Variants in KCNQ5 observed in about 807,000 individuals in gnomAD.
KCNQ5 encodes the protein potassium voltage-gated channel subfamily KQT member 5.
KCNQ5 carries 30 observed loss-of-function variants against 98.2 expected under a neutral mutation model. The ratio of observed to expected loss-of-function variants is 0.31; its 90% confidence interval spans 0.23 to 0.41. The LOEUF is 0.41. Ranked by LOEUF, KCNQ5 falls within the 10% of genes least tolerant of loss-of-function variation. The probability of loss-of-function intolerance (pLI) is 1.00; values close to 1 mark genes in which losing one functional copy is unlikely to be tolerated. For missense variants in KCNQ5, 835 were observed against 1,182.5 expected (o/e 0.71, Z 4.31); for synonymous variants, 458 against 449.4 (o/e 1.02, Z -0.24).
intron 1 of KCNQ5, among the ~76,000 whole-genome samples, chr6:72,949,729 A>T (rs1766711910): frequency 6.6e-6 from 1 of 152,182 alleles, no homozygotes; most frequent in Non-Finnish European, 1.5e-5. Context: ...ATAGTTAATA[A>T]ATCACTCTTT....
chr6:72,704,011 C>T (rs1337012351), intron 1 of KCNQ5, among the ~76,000 whole-genome samples: 1 of 152,102 alleles, frequency 6.6e-6, no homozygotes, highest in South Asian at 2.1e-4. Flanking sequence ...TACTTTTCTA[C>T]GAAAATAAAA....
intron 3 of KCNQ5, among the ~76,000 whole-genome samples, chr6:73,046,240 G>A (rs1771952324): frequency 6.6e-6 from 1 of 152,028 alleles, no homozygotes; most frequent in African/African-American, 2.4e-5. Context: ...ACTCTTCAAT[G>A]GCATTATTTT....
At chr6:73,131,080 T>C (rs1365754805) in intron 9 of KCNQ5, among the ~76,000 whole-genome samples, 1 of 152,116 alleles carries the variant, frequency 6.6e-6, no homozygotes, top group Non-Finnish European at 1.5e-5. Flanking sequence ...TTAGAGAATA[T>C]TATTCACATT....
At chr6:72,853,150 A>T (rs1409652742) in intron 1 of KCNQ5, among the ~76,000 whole-genome samples, 2 of 152,190 alleles carry the variant, frequency 1.3e-5, no homozygotes, top group African/African-American at 4.8e-5. Flanking sequence ...CTCCTGATAG[A>T]CTTTAGTCAA....
At chr6:72,821,107 C>CA (rs1483257900) in intron 1 of KCNQ5, among the ~76,000 whole-genome samples, 1 of 152,116 alleles carries the variant, frequency 6.6e-6, no homozygotes, top group Non-Finnish European at 1.5e-5. Flanking sequence ...GATGTTGAGA[C>CA]AAAGAGACAT....
At chr6:73,097,859 C>T (rs1361243446) in intron 5 of KCNQ5, among the ~76,000 whole-genome samples, 1 of 152,142 alleles carries the variant, frequency 6.6e-6, no homozygotes, top group Non-Finnish European at 1.5e-5. Context: ...AAACTTAGAT[C>T]ATAATACTGA....
At chr6:72,786,801 T>C (rs375184684) in intron 1 of KCNQ5, among the ~76,000 whole-genome samples, 37 of 151,388 alleles carry the variant, frequency 2.4e-4, no homozygotes, top group African/African-American at 9.0e-4. Flanking sequence ...GGTCAGGAGA[T>C]TGAGACCATC....
In KCNQ5 at chr6:72,645,218, A is replaced by AC. The variant is rs1392385899; in HGVS notation, c.398+22631_398+22632insC. On this transcript the variant is annotated intron_variant, in intron 1 of 13. Transcript: ENST00000370398. ...GACCTTGTCACCAAAAAAAAACAAA[A>AC]AAAAACAAAAAAAACATAGTAGCTG... is the stretch of plus-strand genomic sequence containing the variant. Among the ~76,000 whole-genome samples, 230 of 147,174 alleles carry AC rather than the reference A, an allele frequency of 1.6e-3. 3 individuals carry two copies. The highest frequency in any genetic ancestry group is 3.4e-3 in the Middle Eastern group (1 of 290).
intron 2 of KCNQ5, among the ~76,000 whole-genome samples, chr6:73,013,078 T>C (rs1770158667): frequency 6.6e-6 from 1 of 152,026 alleles, no homozygotes; most frequent in African/African-American, 2.4e-5. Context: ...CTTAAGGAAA[T>C]ATTATATTTT....
intron 7 of KCNQ5, among the ~76,000 whole-genome samples, chr6:73,114,613 T>C (rs1775405886): frequency 6.6e-6 from 1 of 152,200 alleles, no homozygotes; most frequent in Non-Finnish European, 1.5e-5. Flanking sequence ...ACTCATGAAG[T>C]GCTTTTTAGT....
intron 2 of KCNQ5, among the ~76,000 whole-genome samples, chr6:73,033,207 G>T (rs939777939): frequency 1.3e-5 from 2 of 152,054 alleles, no homozygotes; most frequent in Non-Finnish European, 2.9e-5. Context: ...CAAGCAGGGG[G>T]CACCCACTTC....
At chr6:72,721,192 G>C (rs767815176) in intron 1 of KCNQ5, among the ~76,000 whole-genome samples, 2 of 152,142 alleles carry the variant, frequency 1.3e-5, no homozygotes, top group Non-Finnish European at 2.9e-5. Context: ...ATATTATATA[G>C]TGTTTAGAAC....
chr6:72,800,573 C>A (rs1360924162), intron 1 of KCNQ5, among the ~76,000 whole-genome samples: 1 of 152,148 alleles, frequency 6.6e-6, no homozygotes, highest in Non-Finnish European at 1.5e-5. Context: ...TTTCAAAAAA[C>A]CAGCTCCTGG....
intron 5 of KCNQ5, among the ~76,000 whole-genome samples, chr6:73,079,535 A>G (rs1773680616): frequency 6.6e-6 from 1 of 152,186 alleles, no homozygotes; most frequent in South Asian, 2.1e-4. Flanking sequence ...AACTTGTTGT[A>G]TTTGTTGATT....
At position 73,079,705 on chromosome 6, in the gene KCNQ5, C is replaced by T. The variant is rs9442880; in HGVS notation, c.918+1818C>T. The stretch of plus-strand genomic sequence containing the variant: ...TGGTTTCCGGCTGCTCTTCACTATT[C>T]ACAAGCAATAATGGGCATTTCGAAA... On this transcript the variant is annotated intron_variant, in intron 5 of 13. Coordinates refer to ENST00000370398, the MANE Select transcript of KCNQ5 (RefSeq NM_019842.4). Among the ~76,000 whole-genome samples the T allele has an allele frequency of 8.9e-3, 1,357 of 152,294 alleles. 23 individuals are homozygous for T. Among genetic ancestry groups the T allele is most frequent in the African/African-American group, 0.031 (1,278 of 41,558 alleles).
rs187410400 is a variant in KCNQ5, at chr6:73,046,538, T to C, written c.616+4476T>C. Among the ~76,000 whole-genome samples, 21 of 151,932 alleles carry C rather than the reference T, an allele frequency of 1.4e-4. No homozygotes were observed. The East Asian group carries it at 3.9e-3, about 28-fold the overall frequency. On this transcript the variant is annotated intron_variant, in intron 3 of 13. Transcript: ENST00000370398. ...TACTTTAAGCACTTTATAAATATGG[T>C]CTTATTTAATTCTACATAAGTACTA...
At chr6:73,167,766 T>A (rs1777859303) in intron 10 of KCNQ5, among the ~76,000 whole-genome samples, 1 of 152,206 alleles carries the variant, frequency 6.6e-6, no homozygotes, top group Non-Finnish European at 1.5e-5. Context: ...ACCTTGCTAC[T>A]GAGTCTCCCA....
At chr6:73,147,501 A>T (rs940156630) in intron 10 of KCNQ5, among the ~76,000 whole-genome samples, 2 of 152,092 alleles carry the variant, frequency 1.3e-5, no homozygotes, top group Non-Finnish European at 2.9e-5. Context: ...TGAATAATTC[A>T]TGTAATCACA....
chr6:73,005,626 TA>T (rs1267175157), intron 2 of KCNQ5, among the ~76,000 whole-genome samples: 1 of 150,402 alleles, frequency 6.6e-6, no homozygotes, highest in Non-Finnish European at 1.5e-5. Flanking sequence ...TCTTGACTTT[TA>T]AAACCTGTTA....
Sources: allele counts gnomAD v4.1 joint callset (sites outside exome capture counted in the v4.1 genomes callset), GRCh38; gene constraint gnomAD v4.1.1; transcripts MANE v1.5; gene names NCBI Gene and HGNC (gene_info 2026-07-23, HGNC 2026-07-21).